Variants in FAT3 observed in about 807,000 individuals in gnomAD.
The protein encoded by FAT3 is FAT atypical cadherin 3.
Under a neutral mutation model 310.2 loss-of-function variants are expected in FAT3, and 95 were observed. The observed-to-expected ratio is 0.31, with a 90% CI of 0.26 to 0.36. FAT3 has a LOEUF of 0.36. Among genes scored for constraint, FAT3 ranks in the 10% least tolerant of loss-of-function variants. The probability of loss-of-function intolerance (pLI) is 1.00; values close to 1 mark genes in which losing one functional copy is unlikely to be tolerated. For synonymous variants in FAT3, 2,314 were observed against 2,192.9 expected, an observed-to-expected ratio of 1.06 and a Z score of -1.54; for missense variants, 5,408 against 5,715.6, an observed-to-expected ratio of 0.95 and a Z score of 1.74.
intron 3 of FAT3, among the ~76,000 whole-genome samples, chr11:92,686,781 T>A (rs974955132): frequency 1.3e-5 from 2 of 152,238 alleles, no homozygotes; most frequent in Admixed American, 1.3e-4. Flanking sequence ...AAGGATTGCA[T>A]GCCTACAAAG....
Position 92,353,417 on chromosome 11 carries a change from G to GAATACTGTT in FAT3, c.1308_1316dup (p.Asn436_Val438dup). ...GTCTGATTGTTACAGCACGGCCACTGAATACTGTTAAGAAGGAGGTTTATA... is the reference window on the plus strand; with the variant it reads ...GTCTGATTGTTACAGCACGGCCACTGAATACTGTTAATACTGTTAAGAAGGAGGTTTATA... On this transcript the variant is annotated inframe_insertion, in exon 2 of 28. Transcript: ENST00000525166. 1 of 1,613,498 alleles carries GAATACTGTT rather than the reference G, an allele frequency of 6.2e-7. No homozygotes were observed. The highest frequency in any genetic ancestry group is 2.2e-5 in the East Asian group (1 of 44,848).
chr11:92,836,428 TG>T, intron 15 of FAT3, 137 bp from the exon 16 acceptor site: 1 of 858,454 alleles, frequency 1.2e-6, no homozygotes, highest in Non-Finnish European at 1.7e-6. Context: ...GCTGGGGGCG[TG>T]GTCACTAACA....
intron 1 of FAT3, among the ~76,000 whole-genome samples, chr11:92,253,556 G>A (rs528955343): frequency 1.3e-5 from 2 of 152,150 alleles, no homozygotes; most frequent in Admixed American, 6.6e-5. Context: ...GTTCCTCTGT[G>A]GAATGGGCCT....
At position 92,774,076 on chromosome 11, in the gene FAT3, G is replaced by A; in HGVS notation, c.4231G>A (p.Gly1411Ser). Residue 1411 changes from glycine (G) to serine (S), a missense_variant, in exon 7 of 28, where the codon GGT becomes AGT. This residue lies in a region of FAT3 where 4,588 missense variants were observed against 4,809.8 expected (regional missense o/e 0.95). Transcript: ENST00000525166. Reference protein sequence around the residue: ...NFDSAFDAEKGVGTIVIAKPL... With the variant: ...NFDSAFDAEKSVGTIVIAKPL... ...TGACAGCGCTTTTGATGCAGAGAAG[G>A]GTGTTGGGACAATTGTCATCGCAAA... The A allele has an allele frequency of 6.2e-7, 1 of 1,613,646 alleles. No homozygotes were observed. The highest frequency in any genetic ancestry group is 1.7e-5 in the Admixed American group (1 of 59,988).
At chr11:92,303,450 C>T (rs76550312) in intron 1 of FAT3, among the ~76,000 whole-genome samples, 2 of 152,082 alleles carry the variant, frequency 1.3e-5, no homozygotes, top group East Asian at 3.9e-4. Flanking sequence ...AGAAAACATA[C>T]AGTTTCTGAC....
chr11:92,586,843 T>C (rs1312235335), intron 3 of FAT3, among the ~76,000 whole-genome samples: 1 of 151,990 alleles, frequency 6.6e-6, no homozygotes, highest in East Asian at 1.9e-4. Flanking sequence ...CAGCAACCTG[T>C]TTCTCTGAAC....
intron 3 of FAT3, among the ~76,000 whole-genome samples, chr11:92,691,394 C>T (rs940877487): frequency 5.3e-5 from 8 of 151,936 alleles, no homozygotes; most frequent in Admixed American, 4.6e-4. Context: ...TTTTGGTTTA[C>T]GAGGTTTCTT....
intron 1 of FAT3, chr11:92,314,312 G>A (rs1399215352): frequency 3.1e-6 from 3 of 979,504 alleles, no homozygotes; most frequent in Non-Finnish European, 3.6e-6. Context: ...TATTTCTTCA[G>A]GTATGCAACT....
intron 12 of FAT3, among the ~76,000 whole-genome samples, chr11:92,807,031 T>C (rs554890262): frequency 4.6e-5 from 7 of 152,164 alleles, no homozygotes; most frequent in African/African-American, 7.2e-5. Context: ...GAAGAAGAGA[T>C]GAAAAATCTG....
intron 6 of FAT3, among the ~76,000 whole-genome samples, chr11:92,767,313 C>G (rs1946339103): frequency 1.3e-5 from 2 of 151,576 alleles, no homozygotes; most frequent in Non-Finnish European, 2.9e-5. Flanking sequence ...AACAGAATGT[C>G]TAGTGTGCTG....
At chr11:92,582,956 C>T (rs997532376) in intron 3 of FAT3, among the ~76,000 whole-genome samples, 53 of 152,006 alleles carry the variant, frequency 3.5e-4, no homozygotes, top group Admixed American at 2.0e-3. Flanking sequence ...ACATTGTGCA[C>T]GATAAGGTAC....
rs1451917869 is a variant in FAT3, at chr11:92,743,912, A to G, written c.3670-17944A>G. On this transcript the variant is annotated intron_variant, in intron 4 of 27. Transcript: ENST00000525166. ...TGATGATGCCCTGCACCACCTCACA[A>G]CTCTCCAGAGTCCCACCAGGAAGAA... Among the ~76,000 whole-genome samples the G allele has an allele frequency of 1.5e-4, 23 of 151,866 alleles. 1 individual carries two copies. The highest frequency in any genetic ancestry group is 1.5e-3 in the Admixed American group (23 of 15,246).
intron 4 of FAT3, among the ~76,000 whole-genome samples, chr11:92,731,510 A>G (rs1317426146): frequency 6.6e-6 from 1 of 152,202 alleles, no homozygotes; most frequent in Non-Finnish European, 1.5e-5. Flanking sequence ...ACAGAGATAC[A>G]GACTTTACAA....
intron 1 of FAT3, among the ~76,000 whole-genome samples, chr11:92,334,628 A>AT (rs1454232927): frequency 1.3e-5 from 2 of 151,990 alleles, no homozygotes; most frequent in Non-Finnish European, 2.9e-5. Flanking sequence ...CAAAGAAGTG[A>AT]TTCTGCCCAT....
intron 1 of FAT3, among the ~76,000 whole-genome samples, chr11:92,303,922 CT>C (rs1477219078): frequency 1.3e-5 from 2 of 152,000 alleles, no homozygotes; most frequent in African/African-American, 4.8e-5. Flanking sequence ...AGTGCAGAAC[CT>C]TTTTTTCGCA....
At chr11:92,548,782 G>C (rs913603134) in intron 3 of FAT3, among the ~76,000 whole-genome samples, 4 of 152,006 alleles carry the variant, frequency 2.6e-5, no homozygotes, top group Non-Finnish European at 4.4e-5. Flanking sequence ...AGTGAGAGAG[G>C]GGGTATTTTC....
intron 1 of FAT3, among the ~76,000 whole-genome samples, chr11:92,350,995 T>A (rs1316626706): frequency 6.6e-6 from 1 of 152,178 alleles, no homozygotes; most frequent in Non-Finnish European, 1.5e-5. Flanking sequence ...CTTTCTCCCT[T>A]CTCCTTGATT....
At chr11:92,629,630 C>G (rs577651084) in intron 3 of FAT3, among the ~76,000 whole-genome samples, 15 of 152,146 alleles carry the variant, frequency 9.9e-5, no homozygotes, top group African/African-American at 3.1e-4. Context: ...AGGCTGGTCT[C>G]AAACTCTTGG....
intron 6 of FAT3, among the ~76,000 whole-genome samples, chr11:92,766,053 C>T (rs184927085): frequency 2.0e-5 from 3 of 152,100 alleles, no homozygotes; most frequent in South Asian, 4.2e-4. Context: ...CAGCCTCCCC[C>T]GCAAGCCGAA....
Sources: gnomAD v4.1 joint callset for allele counts (sites outside exome capture counted in the v4.1 genomes callset) on GRCh38, gnomAD v4.1.1 for gene constraint, gnomAD v4.1.1 regional missense constraint, MANE v1.5 for transcripts, NCBI Gene and HGNC (gene_info 2026-07-23, HGNC 2026-07-21) for gene names.